The following THSD7A variants were observed in gnomAD, a reference collection of about 807,000 sequenced individuals.
THSD7A encodes the protein thrombospondin type-1 domain-containing protein 7A.
THSD7A carries 96 observed loss-of-function variants against 231.3 expected under a neutral mutation model. The observed-to-expected ratio is 0.41, with a 90% CI of 0.35 to 0.49. The LOEUF is 0.49. Among genes scored for constraint, THSD7A ranks in the 20% least tolerant of loss-of-function variants. The pLI is 0.05. For synonymous variants in THSD7A, 940 were observed against 743.3 expected, an observed-to-expected ratio of 1.26 and a Z score of -4.30; for missense variants, 2,290 against 2,070.2, an observed-to-expected ratio of 1.11 and a Z score of -2.06.
chr7:11,398,556 CTAAATG>C (rs923539615), intron 23 of THSD7A, among the ~76,000 whole-genome samples: 50 of 151,870 alleles, frequency 3.3e-4, no homozygotes, highest in African/African-American at 1.2e-3. Flanking sequence ...AAAAAAGAAA[CTAAATG>C]TAATTCATAT....
chr7:11,750,193 T>C (rs1368542130), intron 1 of THSD7A, among the ~76,000 whole-genome samples: 1 of 151,856 alleles, frequency 6.6e-6, no homozygotes, highest in Non-Finnish European at 1.5e-5. Context: ...GCATGTAGCA[T>C]ACCAACGACT....
Position 11,474,212 on chromosome 7 carries a change from T to G in THSD7A, c.2252+122A>C. ...GGCTGACTTTCAAAACAAACAAATC[T>G]TGCTCTTGAGGACAGGTATGACAAG... On this transcript the variant is annotated intron_variant, in intron 8 of 27. Coordinates refer to ENST00000423059, the MANE Select transcript of THSD7A (RefSeq NM_015204.3). This position sits in a 1 kb window ranked among gnomAD's most constrained non-coding sequence, Gnocchi z 4.1. 1.3e-6 allele frequency: 1 copy of G among 776,448 alleles called. No individual in the cohort carries two copies. The highest frequency in any genetic ancestry group is 2.0e-6 in the Non-Finnish European group (1 of 501,508). The allele number at this position is 776,448 out of a possible 1,614,324, so 48.1% of individuals were successfully genotyped here.
intron 1 of THSD7A, among the ~76,000 whole-genome samples, chr7:11,737,709 T>C (rs1010173757): frequency 2.0e-5 from 3 of 152,072 alleles, no homozygotes; most frequent in Admixed American, 6.6e-5. Flanking sequence ...TATTATAGTT[T>C]CATCATTTTC....
At chr7:11,616,463 T>G (rs1177996961) in intron 2 of THSD7A, among the ~76,000 whole-genome samples, 1 of 152,226 alleles carries the variant, frequency 6.6e-6, no homozygotes, top group East Asian at 1.9e-4. Context: ...ACAATTTTGA[T>G]CCAAAACTAT....
chr7:11,777,296 G>A (rs1011532168), intron 1 of THSD7A, among the ~76,000 whole-genome samples: 1 of 151,968 alleles, frequency 6.6e-6, no homozygotes, highest in African/African-American at 2.4e-5. Flanking sequence ...AAGAGATAAT[G>A]CTCACATATT....
At chr7:11,624,967 T>C (rs565639376) in intron 2 of THSD7A, among the ~76,000 whole-genome samples, 2 of 152,222 alleles carry the variant, frequency 1.3e-5, no homozygotes, top group Middle Eastern at 3.4e-3. Flanking sequence ...GATAAAAGCA[T>C]TTGAACACCA....
At chr7:11,784,419 C>T (rs550818061) in intron 1 of THSD7A, among the ~76,000 whole-genome samples, 21 of 151,498 alleles carry the variant, frequency 1.4e-4, no homozygotes, top group South Asian at 1.2e-3. Flanking sequence ...ATTAGATATA[C>T]GTTAGTCTGT....
intron 1 of THSD7A, among the ~76,000 whole-genome samples, chr7:11,713,109 A>G (rs1781019937): frequency 6.6e-6 from 1 of 151,134 alleles, no homozygotes; most frequent in South Asian, 2.1e-4. Flanking sequence ...GCCTTGATCT[A>G]TAGTTCCAAA....
chr7:11,452,836 C>T (rs540419410), intron 11 of THSD7A, among the ~76,000 whole-genome samples: 1 of 152,080 alleles, frequency 6.6e-6, no homozygotes, highest in South Asian at 2.1e-4. Context: ...GGAAGTTAAA[C>T]ATTTTAAAAT....
At chr7:11,570,675 T>C (rs1790586183) in intron 4 of THSD7A, among the ~76,000 whole-genome samples, 2 of 152,196 alleles carry the variant, frequency 1.3e-5, no homozygotes. Flanking sequence ...ATTCAAAGTT[T>C]ACATAAAGAA....
intron 1 of THSD7A, among the ~76,000 whole-genome samples, chr7:11,686,951 G>T (rs960539291): frequency 1.3e-5 from 2 of 151,746 alleles, no homozygotes; most frequent in Non-Finnish European, 2.9e-5. Context: ...ACCTGCACAT[G>T]TACCCTCTGA....
Position 11,444,814 on chromosome 7 carries a change from C to T in THSD7A, c.3064+1247G>A, listed in dbSNP as rs1413484022. 6.9e-6 allele frequency among the ~76,000 whole-genome samples: 1 copy of T among 144,676 alleles called. No individual in the cohort carries two copies. The highest frequency in any genetic ancestry group is 1.5e-5 in the Non-Finnish European group (1 of 66,070). The allele number at this position is 144,676 out of a possible 152,430, so 94.9% of individuals were successfully genotyped here. On this transcript the variant is annotated intron_variant, in intron 13 of 27. Transcript: ENST00000423059. The surrounding 1 kb of genome is among the most constrained non-coding windows in gnomAD (Gnocchi z 4.2). ...GTGTGTGTGTGTGTGTGTGTATAAACTATATATATAATTAAACTATATATA... is the reference window on the plus strand; with the variant it reads ...GTGTGTGTGTGTGTGTGTGTATAAATTATATATATAATTAAACTATATATA...
intron 9 of THSD7A, among the ~76,000 whole-genome samples, chr7:11,467,174 T>C (rs1232166134): frequency 6.6e-6 from 1 of 152,130 alleles, no homozygotes; most frequent in Non-Finnish European, 1.5e-5. Context: ...TTTAAGGCTT[T>C]CCTGATGTCT....
chr7:11,597,691 C>A (rs1780413831), intron 2 of THSD7A, among the ~76,000 whole-genome samples: 1 of 152,180 alleles, frequency 6.6e-6, no homozygotes, highest in Non-Finnish European at 1.5e-5. Flanking sequence ...GATTATACGT[C>A]ATCAAGTCTC....
intron 2 of THSD7A, among the ~76,000 whole-genome samples, chr7:11,631,273 G>C (rs977948643): frequency 6.6e-6 from 1 of 152,060 alleles, no homozygotes; most frequent in African/African-American, 2.4e-5. Flanking sequence ...CGTTTTTTCA[G>C]TTTTCCATTT....
At chr7:11,501,007 A>G (rs1787312093) in intron 6 of THSD7A, among the ~76,000 whole-genome samples, 1 of 146,636 alleles carries the variant, frequency 6.8e-6, no homozygotes, top group Admixed American at 6.7e-5. Flanking sequence ...TTTCAAACCA[A>G]CAAAGATAAA....
intron 1 of THSD7A, among the ~76,000 whole-genome samples, chr7:11,824,274 C>CA (rs1423449837): frequency 2.0e-5 from 3 of 152,018 alleles, no homozygotes; most frequent in Non-Finnish European, 4.4e-5. Flanking sequence ...CCTATATATT[C>CA]ACTACACTGA....
chr7:11,382,581 C>A lies in THSD7A; in HGVS notation c.4447G>T (p.Ala1483Ser), dbSNP rs756022113. 11 of 1,612,904 alleles carry A rather than the reference C, an allele frequency of 6.8e-6. No homozygotes were observed. The highest frequency in any genetic ancestry group is 9.3e-6 in the Non-Finnish European group (11 of 1,179,240). The stretch of plus-strand genomic sequence containing the variant: ...ACTGTTCGGGAAGAGCCCTTCCAAG[C>A]ACTGGCCATCCATTTATATTCATAG... ...QCYEYKWMAS[A>S]WKGSSRTVWC... The change falls in exon 24 of 28, where the codon GCT (alanine) becomes TCT (serine). Residue 1483 changes from alanine (A) to serine (S), a missense_variant. Transcript: ENST00000423059.
chr7:11,412,605 A>T, intron 18 of THSD7A, 51 bp downstream of exon 18: 2 of 1,607,618 alleles, frequency 1.2e-6, no homozygotes, highest in South Asian at 1.1e-5. Context: ...TTCAGAGCTG[A>T]CAGACACAGG....
Sources: gnomAD v4.1 joint callset for allele counts (sites outside exome capture counted in the v4.1 genomes callset) on GRCh38, gnomAD v4.1.1 for gene constraint, Gnocchi (gnomAD v3.1) non-coding constraint, MANE v1.5 for transcripts, NCBI Gene and HGNC (gene_info 2026-07-23, HGNC 2026-07-21) for gene names.